DHX35: variants seen among roughly 807,000 people sequenced by gnomAD.
The protein encoded by DHX35 is DEAH-box helicase 35.
Under a neutral mutation model 99.6 loss-of-function variants are expected in DHX35, and 84 were observed. The ratio of observed to expected loss-of-function variants is 0.84; its 90% CI spans 0.71 to 1.01. The LOEUF (loss-of-function observed/expected upper bound fraction) is 1.01. DHX35 is among the 50% of genes least tolerant of loss of function. The pLI is 0.00. For missense variants in DHX35, 852 were observed against 888.5 expected (o/e 0.96, Z 0.52); for synonymous variants, 331 against 316.2 (o/e 1.05, Z -0.50).
chr20:39,028,655 T>C lies in DHX35; in HGVS notation c.1883+156T>C, dbSNP rs891535612. Among the ~76,000 whole-genome samples, 3 of 152,254 alleles carry C rather than the reference T, an allele frequency of 2.0e-5. No individual in the cohort carries two copies. The South Asian group carries it at 6.2e-4, about 32-fold the overall frequency. On this transcript the variant is annotated intron_variant, in intron 19 of 21. Coordinates refer to ENST00000252011, the MANE Select transcript of DHX35 (RefSeq NM_021931.4). ...TGAGTTGAGGTTAGCGACATAGCTT[T>C]AAGCAAAATATCTTGACTTTCTAAA... is the stretch of plus-strand genomic sequence containing the variant.
At chr20:39,001,209 T>C (rs547179337) in intron 8 of DHX35, among the ~76,000 whole-genome samples, 130 of 152,246 alleles carry the variant, frequency 8.5e-4, no homozygotes, top group African/African-American at 3.1e-3. Context: ...CGTGTAAAGA[T>C]GGAGAAGACA....
chr20:39,030,499 CTTTTTCCA>C, intron 19 of DHX35, 197 bp from the exon 20 acceptor site: 1 of 559,290 alleles, frequency 1.8e-6, no homozygotes, highest in Admixed American at 3.3e-5. Flanking sequence ...CTCCTCTTCG[CTTTTTCCA>C]CGTGATTTAT....
At position 39,013,439 on chromosome 20, in the gene DHX35, A is replaced by G. The variant is rs1255014673; in HGVS notation, c.1348-1441A>G. Among the ~76,000 whole-genome samples the G allele has an allele frequency of 2.6e-5, 4 of 152,252 alleles. No homozygotes were observed. In the East Asian group the frequency reaches 7.7e-4, roughly 29 times the overall value. ...GACCACACTAAAACTATACATAAAC[A>G]GTAATTCCAGATATGTTAAAACAGT... On this transcript the variant is annotated intron_variant, in intron 13 of 21. Transcript: ENST00000252011.
At chr20:38,974,232 G>T (rs1417977754) in intron 3 of DHX35, among the ~76,000 whole-genome samples, 2 of 152,216 alleles carry the variant, frequency 1.3e-5, no homozygotes, top group Admixed American at 1.3e-4. Flanking sequence ...GAGGAGGCAG[G>T]CCATAGAAAG....
intron 13 of DHX35, 138 bp from the exon 14 acceptor site, chr20:39,014,742 A>G (rs1436801789): frequency 1.9e-6 from 2 of 1,047,300 alleles, no homozygotes; most frequent in Admixed American, 3.8e-5. Flanking sequence ...AGAGGTGCCA[A>G]CAGCAAGAAC....
chr20:38,991,561 C>A, intron 6 of DHX35, 46 bp downstream of exon 6: 1 of 1,561,274 alleles, frequency 6.4e-7, no homozygotes, highest in Non-Finnish European at 8.8e-7. Context: ...TCCAAAGTCC[C>A]CAGGTAGACG....
At chr20:39,015,407 G>T (rs181377091) in intron 14 of DHX35, among the ~76,000 whole-genome samples, 35 of 152,304 alleles carry the variant, frequency 2.3e-4, no homozygotes, top group African/African-American at 7.5e-4. Flanking sequence ...CTATTCAGTT[G>T]TCGATTGAAG....
intron 16 of DHX35, among the ~76,000 whole-genome samples, chr20:39,023,422 G>T (rs554008470): frequency 6.6e-6 from 1 of 151,964 alleles, no homozygotes; most frequent in Non-Finnish European, 1.5e-5. Context: ...TGGTTGGAGC[G>T]CAGTGGTGCA....
At chr20:38,991,412 G>A (rs1012985565) in intron 5 of DHX35, 42 bp from the exon 6 acceptor site, 1 of 1,568,646 alleles carries the variant, frequency 6.4e-7, no homozygotes, top group Admixed American at 1.7e-5. Flanking sequence ...AATATGTAGT[G>A]TAAGTGAATT....
At chr20:38,967,437 A>T (rs1411969864) in intron 1 of DHX35, among the ~76,000 whole-genome samples, 6 of 152,240 alleles carry the variant, frequency 3.9e-5, no homozygotes, top group Non-Finnish European at 4.4e-5. Flanking sequence ...AGCAAACTCC[A>T]GTGCTGAAAA....
At chr20:38,992,571 G>T in intron 7 of DHX35, 146 bp downstream of exon 7, 1 of 727,704 alleles carries the variant, frequency 1.4e-6, no homozygotes. Context: ...GAGAATATCA[G>T]TGGTAGAATG....
chr20:39,037,407 G>A (rs1161829245), intron 21 of DHX35, among the ~76,000 whole-genome samples: 1 of 152,242 alleles, frequency 6.6e-6, no homozygotes, highest in Non-Finnish European at 1.5e-5. Context: ...TCCCTCAGGT[G>A]TAAGCAGATG....
At chr20:38,985,232 A>T (rs150008522) in intron 4 of DHX35, among the ~76,000 whole-genome samples, 253 of 152,126 alleles carry the variant, frequency 1.7e-3, no homozygotes, top group African/African-American at 3.0e-3. Flanking sequence ...AACAATTTTT[A>T]AAAAAATTAG....
At chr20:39,033,100 G>C (rs1465968081) in intron 20 of DHX35, among the ~76,000 whole-genome samples, 1 of 152,104 alleles carries the variant, frequency 6.6e-6, no homozygotes, top group Non-Finnish European at 1.5e-5. Context: ...GCCAGGCATG[G>C]TGGCACGTGG....
intron 21 of DHX35, among the ~76,000 whole-genome samples, chr20:39,037,662 TG>T (rs1165832012): frequency 2.6e-5 from 4 of 152,158 alleles, no homozygotes; most frequent in Admixed American, 2.6e-4. Flanking sequence ...GTGTGTTAGT[TG>T]GCACGGCTTA....
intron 21 of DHX35, among the ~76,000 whole-genome samples, chr20:39,037,545 C>T (rs542034020): frequency 6.6e-6 from 1 of 152,260 alleles, no homozygotes; most frequent in Non-Finnish European, 1.5e-5. Context: ...GCAGTTCTCT[C>T]TGGGGGCGAT....
At position 38,994,881 on chromosome 20, in the gene DHX35, G is replaced by A. The variant is rs764284090; in HGVS notation, c.642+1G>A. Reference sequence around the variant, plus strand: ...AGCTTCAGCCACTCTGGATGCAGACGTAAGAGCCTTGCCTCCCCTTTCCTC... The same window carrying A: ...AGCTTCAGCCACTCTGGATGCAGACATAAGAGCCTTGCCTCCCCTTTCCTC... On this transcript the variant is annotated splice_donor_variant, in intron 8 of 21. Coordinates refer to ENST00000252011, the MANE Select transcript of DHX35 (RefSeq NM_021931.4). LOFTEE classifies it high-confidence loss of function. 5 of 1,613,482 alleles carry A rather than the reference G, an allele frequency of 3.1e-6. No homozygotes were observed. The highest frequency in any genetic ancestry group is 2.2e-5 in the East Asian group (1 of 44,858).
chr20:39,008,802 T>G (rs1030108583), intron 12 of DHX35, among the ~76,000 whole-genome samples: 1 of 152,246 alleles, frequency 6.6e-6, no homozygotes, highest in Non-Finnish European at 1.5e-5. Context: ...CTTGAGCTGT[T>G]TCCTCTTTGC....
chr20:39,015,700 A>G (rs1341890067), intron 14 of DHX35, among the ~76,000 whole-genome samples: 5 of 152,040 alleles, frequency 3.3e-5, no homozygotes, highest in Admixed American at 2.6e-4. Flanking sequence ...TAGTTTATGT[A>G]CTATACAATT....
Sources: allele counts gnomAD v4.1 joint callset (sites outside exome capture counted in the v4.1 genomes callset), GRCh38; gene constraint gnomAD v4.1.1; transcripts MANE v1.5; gene names NCBI Gene and HGNC (gene_info 2026-07-23, HGNC 2026-07-21).